The following PTGS2 variants were observed in gnomAD, a reference collection of about 807,000 sequenced individuals.
The protein encoded by PTGS2 is prostaglandin-endoperoxide synthase 2.
Under a neutral mutation model 63.8 loss-of-function variants are expected in PTGS2, and 14 were observed. That is an observed-to-expected ratio of 0.22 (90% confidence interval 0.14 to 0.34). PTGS2 has a LOEUF of 0.34. Among genes scored for constraint, PTGS2 ranks in the 10% least tolerant of loss-of-function variants. The pLI is 1.00. For synonymous variants in PTGS2, 271 were observed against 259.5 expected (o/e 1.04, Z -0.43); for missense variants, 533 against 738.5 (o/e 0.72, Z 3.23).
At chr1:186,677,011 T>C (rs778251664) in intron 5 of PTGS2, 95 bp from the exon 6 acceptor site, 2 of 900,300 alleles carry the variant, frequency 2.2e-6, no homozygotes, top group Non-Finnish European at 3.4e-6. Context: ...AATTTGATCA[T>C]TTAGCTTTCT....
Position 186,675,914 on chromosome 1 carries a change from C to T in PTGS2, c.1241G>A (p.Arg414Lys), listed in dbSNP as rs1413242782. The T allele has an allele frequency of 1.2e-6, 2 of 1,608,846 alleles. No homozygotes were observed. Among genetic ancestry groups the T allele is most frequent in the South Asian group, 1.1e-5 (1 of 90,672 alleles). The part of the protein sequence containing the change: ...GITQFVESFT[R>K]QIAGRVAGGR... ...AATGCTTACCCTGCCAGCAATTTGC[C>T]TGGTGAATGATTCAACAAACTGGGT... The change falls in exon 8 of 10, where the codon AGG becomes AAG. Residue 414 changes from arginine to lysine, a missense_variant. By Grantham distance (26) the Arg-to-Lys change is conservative (BLOSUM62 2). Coordinates refer to ENST00000367468, the MANE Select transcript of PTGS2 (RefSeq NM_000963.4).
rs11567820 is a variant in PTGS2 at position 186,680,094 on chromosome 1, T to C, written c.52+145A>G. ...ATATCCACGGAGTTCTTTCGAACTC[T>C]AGCGGTCCAAGCTCTTTCCCAAGTC... On this transcript the variant is annotated intron_variant, in intron 1 of 9. Transcript: ENST00000367468. The C allele has an allele frequency of 7.6e-4, 950 of 1,243,534 alleles. 16 individuals are homozygous for C. The East Asian group carries it at 0.022, about 29-fold the overall frequency. 77.0% of individuals were successfully genotyped at this position (1,243,534 alleles called of 1,614,324 possible).
At position 186,672,176 on chromosome 1, in the gene PTGS2, T is replaced by C. The variant is rs1665700753; in HGVS notation, c.*2177A>G. ...AATTATTTATATAAATACTATTATC[T>C]GTAATCAGCGTTTGATTTAAAAATA... On this transcript the variant is annotated 3_prime_UTR_variant, in exon 10 of 10. Coordinates refer to ENST00000367468, the MANE Select transcript of PTGS2 (RefSeq NM_000963.4). 6.6e-6 allele frequency: 1 copy of C among 151,972 alleles called. No homozygotes were observed. The highest frequency in any genetic ancestry group is 1.5e-5 in the Non-Finnish European group (1 of 67,956). 9.4% of individuals were successfully genotyped at this position (151,972 alleles called of 1,614,324 possible).
chr1:186,672,405 A>G lies in PTGS2; in HGVS notation c.*1948T>C, dbSNP rs1665704522. 1 of 152,354 alleles carries G rather than the reference A, an allele frequency of 6.6e-6. No homozygotes were observed. The highest frequency in any genetic ancestry group is 6.5e-5 in the Admixed American group (1 of 15,268). 9.4% of individuals were successfully genotyped at this position (152,354 alleles called of 1,614,324 possible). ...CAACCTTAAATATCTCAATATGCCA[A>G]TCAGATTTCTAAAAATTTATTCACA... On this transcript the variant is annotated 3_prime_UTR_variant, in exon 10 of 10. Transcript: ENST00000367468.
At chr1:186,676,744 G>T (rs766939592) in intron 6 of PTGS2, 31 bp from the exon 7 acceptor site, 2 of 1,598,856 alleles carry the variant, frequency 1.3e-6, no homozygotes, top group Admixed American at 3.4e-5. Context: ...ATAAACATCA[G>T]TTAAAAAGTT....
At position 186,676,002 on chromosome 1, in the gene PTGS2, C is replaced by A. The variant is rs2102005519; in HGVS notation, c.1153G>T (p.Asp385Tyr). The A allele has an allele frequency of 6.2e-7, 1 of 1,613,944 alleles. No homozygotes were observed. Among genetic ancestry groups the A allele is most frequent in the Non-Finnish European group, 8.5e-7 (1 of 1,179,930 alleles). The change falls in exon 8 of 10, where the codon GAC becomes TAC. Residue 385 changes from aspartate to tyrosine, a missense_variant. This residue lies in a region of PTGS2 where 219 missense variants were observed against 267.4 expected (regional missense o/e 0.82). Coordinates refer to ENST00000367468, the MANE Select transcript of PTGS2 (RefSeq NM_000963.4). ...AACTGTTGATAGTTGTATTTCTGGTCATGAATTTGAAAGGTGTCAGGCAGA... is the reference window on the plus strand; with the variant it reads ...AACTGTTGATAGTTGTATTTCTGGTAATGAATTTGAAAGGTGTCAGGCAGA... Reference protein sequence around the residue: ...PLLPDTFQIHDQKYNYQQFIY... With the variant: ...PLLPDTFQIHYQKYNYQQFIY...
chr1:186,679,939 T>A (rs192915681), intron 1 of PTGS2, among the ~76,000 whole-genome samples: 1 of 152,376 alleles, frequency 6.6e-6, no homozygotes, highest in East Asian at 1.9e-4. Context: ...TCACATATAT[T>A]GATCAGATCC....
chr1:186,674,232 G>A lies in PTGS2; in HGVS notation c.*121C>T, dbSNP rs4648289. 1.6e-4 allele frequency: 96 copies of A among 588,998 alleles called. No individual in the cohort carries two copies. In the South Asian group the frequency reaches 6.7e-3, roughly 41 times the overall value. 36.5% of individuals were successfully genotyped at this position (588,998 alleles called of 1,614,324 possible). On this transcript the variant is annotated 3_prime_UTR_variant, in exon 10 of 10. Transcript: ENST00000367468. ...AAGTATGACTCCTTTCTCCGCAACAGGAGTACTGACTTCTGTTACAGAAGA... is the reference window on the plus strand; with the variant it reads ...AAGTATGACTCCTTTCTCCGCAACAAGAGTACTGACTTCTGTTACAGAAGA...
Position 186,679,445 on chromosome 1 carries a change from T to C in PTGS2, c.53-7A>G, listed in dbSNP as rs1030148370. 1 of 1,589,724 alleles carries C rather than the reference T, an allele frequency of 6.3e-7. No individual in the cohort carries two copies. Among genetic ancestry groups the C allele is most frequent in the Admixed American group, 1.7e-5 (1 of 59,854 alleles). Reference sequence around the variant, plus strand: ...TGGGAACAGCAAGGATTTGCTGCAATTAAAGGACAGCAAATAAATCATTCT... The same window carrying C: ...TGGGAACAGCAAGGATTTGCTGCAACTAAAGGACAGCAAATAAATCATTCT... On this transcript the variant is annotated splice_region_variant and splice_polypyrimidine_tract_variant and intron_variant, in intron 1 of 9. Transcript: ENST00000367468.
Position 186,675,359 on chromosome 1 carries a change from T to C in PTGS2, c.1295A>G (p.Lys432Arg). 1 of 1,614,070 alleles carries C rather than the reference T, an allele frequency of 6.2e-7. No individual in the cohort carries two copies. The highest frequency in any genetic ancestry group is 1.7e-5 in the Admixed American group (1 of 59,970). ...CTGGTCAATGGAAGCCTGTGATACT[T>C]TCTGTACTGCGGGTGGAACATTCCT... is the stretch of plus-strand genomic sequence containing the variant. ...GGRNVPPAVQ[K>R]VSQASIDQSR... The change falls in exon 9 of 10, where the codon AAA (lysine) becomes AGA (arginine). Residue 432 changes from lysine to arginine, a missense_variant. Coordinates refer to ENST00000367468, the MANE Select transcript of PTGS2 (RefSeq NM_000963.4).
intron 8 of PTGS2, 36 bp from the exon 9 acceptor site, chr1:186,675,432 T>G: frequency 1.9e-6 from 3 of 1,605,746 alleles, no homozygotes; most frequent in Non-Finnish European, 2.5e-6. Context: ...AACAAGAATT[T>G]TAGGCATATT....
intron 1 of PTGS2, 135 bp from the exon 2 acceptor site, chr1:186,679,573 T>G (rs1665840366): frequency 1.5e-6 from 1 of 683,066 alleles, no homozygotes; most frequent in South Asian, 1.9e-5. Flanking sequence ...AATACAATTT[T>G]TTAACCTGCC....
Position 186,676,187 on chromosome 1 carries a change from A to G in PTGS2, c.971-3T>C. On this transcript the variant is annotated splice_region_variant and splice_polypyrimidine_tract_variant and intron_variant, in intron 7 of 9. Coordinates refer to ENST00000367468, the MANE Select transcript of PTGS2 (RefSeq NM_000963.4). ...AATCACAATCTTAATAGTCTCTCCT[A>G]TTTGCACAAAATAAATAATAAAAAC... 4.4e-6 allele frequency: 7 copies of G among 1,588,088 alleles called. No homozygotes were observed. Among genetic ancestry groups the G allele is most frequent in the African/African-American group, 1.4e-5 (1 of 74,036 alleles).
At chr1:186,677,998 G>T (rs912744320) in intron 4 of PTGS2, among the ~76,000 whole-genome samples, 168 bp from the exon 5 acceptor site, 1 of 152,020 alleles carries the variant, frequency 6.6e-6, no homozygotes, top group Admixed American at 6.6e-5. Flanking sequence ...CTTACTGAAT[G>T]ATTTTATCTA....
Position 186,674,370 on chromosome 1 carries a change from G to C in PTGS2, c.1798C>G (p.Arg600Gly). The change falls in exon 10 of 10, where the codon CGT becomes GGT. Residue 600 changes from arginine to glycine, a missense_variant. This residue lies in a region of PTGS2 where 219 missense variants were observed against 267.4 expected (regional missense o/e 0.82). Coordinates refer to ENST00000367468, the MANE Select transcript of PTGS2 (RefSeq NM_000963.4). ...TTAGACTTCTACAGTTCAGTCGAAC[G>C]TTCTTTTAGTAGTACTGTGGGATTG... Reference protein sequence around the residue: ...DINPTVLLKERSTEL With the variant: ...DINPTVLLKEGSTEL The C allele has an allele frequency of 6.2e-7, 1 of 1,609,910 alleles. No individual in the cohort carries two copies. The highest frequency in any genetic ancestry group is 8.5e-7 in the Non-Finnish European group (1 of 1,177,130).
At chr1:186,675,447 G>C (rs1416715255) in intron 8 of PTGS2, 51 bp from the exon 9 acceptor site, 1 of 1,589,766 alleles carries the variant, frequency 6.3e-7, no homozygotes, top group African/African-American at 1.4e-5. Context: ...CATATTTACT[G>C]TTTGTATTCA....
chr1:186,679,500 A>G (rs1172011209), intron 1 of PTGS2, 62 bp from the exon 2 acceptor site: 52 of 1,236,172 alleles, frequency 4.2e-5, no homozygotes, highest in Non-Finnish European at 5.5e-5. Context: ...TTAAACATTT[A>G]ATTGTTTGAC....
rs768056746 is a variant in PTGS2, at chr1:186,674,344, A to G, written c.*9T>C. On this transcript the variant is annotated 3_prime_UTR_variant, in exon 10 of 10. Coordinates refer to ENST00000367468, the MANE Select transcript of PTGS2 (RefSeq NM_000963.4). ...TTCATATAAATAAATAAATATGATC[A>G]TTAGACTTCTACAGTTCAGTCGAAC... 2.6e-6 allele frequency: 4 copies of G among 1,539,958 alleles called. No homozygotes were observed. In the South Asian group the frequency reaches 4.9e-5, roughly 19 times the overall value.
rs1408773912 is a variant in PTGS2 at position 186,676,125 on chromosome 1, T to G, written c.1030A>C (p.Lys344Gln). The change falls in exon 8 of 10, where the codon AAA becomes CAA. Residue 344 changes from lysine to glutamine, a missense_variant. Coordinates refer to ENST00000367468, the MANE Select transcript of PTGS2 (RefSeq NM_000963.4). ...AGTAGTTCTGGGTCAAATTTCAGTTTGAAGTGATAGCCACTCAAGTGTTGC... is the reference window on the plus strand; with the variant it reads ...AGTAGTTCTGGGTCAAATTTCAGTTGGAAGTGATAGCCACTCAAGTGTTGC... ...YVQHLSGYHF[K>Q]LKFDPELLFN... 3.7e-6 allele frequency: 6 copies of G among 1,614,152 alleles called. No individual in the cohort carries two copies. In the South Asian group the frequency reaches 6.6e-5, roughly 18 times the overall value.
Sources: allele counts gnomAD v4.1 joint callset (sites outside exome capture counted in the v4.1 genomes callset), GRCh38; gene constraint gnomAD v4.1.1; regional missense constraint gnomAD v4.1.1; transcripts MANE v1.5; gene names NCBI Gene and HGNC (gene_info 2026-07-23, HGNC 2026-07-21).